The following GALNT10 variants were observed in gnomAD, a reference collection of about 807,000 sequenced individuals.
GALNT10 encodes the protein polypeptide N-acetylgalactosaminyltransferase 10.
In GALNT10, 41 loss-of-function variants were observed where a neutral mutation model predicts 75.0. The observed-to-expected ratio is 0.55, with a 90% CI of 0.43 to 0.71. GALNT10 has a LOEUF of 0.71. Among genes scored for constraint, GALNT10 ranks in the 30% least tolerant of loss-of-function variants. The pLI is 0.00. For synonymous variants in GALNT10, 302 were observed against 313.0 expected (o/e 0.96, Z 0.37); for missense variants, 727 against 818.5 (o/e 0.89, Z 1.36).
At position 154,416,475 on chromosome 5, in the gene GALNT10, G is replaced by GCA. The variant is rs1554102724; in HGVS notation, c.1654-336_1654-335dup. Among the ~76,000 whole-genome samples, 1 of 40,270 alleles carries GCA rather than the reference G, an allele frequency of 2.5e-5. No individual in the cohort carries two copies. Among genetic ancestry groups the GCA allele is most frequent in the East Asian group, 1.0e-3 (1 of 992 alleles). The allele number at this position is 40,270 out of a possible 152,430, so 26.4% of individuals were successfully genotyped here. A position where few individuals can be genotyped will look rare whatever the true frequency, so the allele number is the denominator to read the frequency against. ...TAAAAAAATAAAAGATAAAAGGAAA[G>GCA]CACATACACACACACACACACACAC... On this transcript the variant is annotated intron_variant, in intron 11 of 11. Transcript: ENST00000297107. This position sits in a 1 kb window ranked among gnomAD's most constrained non-coding sequence, Gnocchi z 4.5.
chr5:154,232,946 A>G (rs909898180), intron 1 of GALNT10, among the ~76,000 whole-genome samples: 2 of 152,204 alleles, frequency 1.3e-5, no homozygotes, highest in Non-Finnish European at 2.9e-5. Context: ...AGTAGTTAAC[A>G]GAGTATATAT....
intron 7 of GALNT10, among the ~76,000 whole-genome samples, chr5:154,398,067 G>A (rs1341253559): frequency 6.6e-6 from 1 of 152,230 alleles, no homozygotes; most frequent in African/African-American, 2.4e-5. Context: ...GAAAATGAAT[G>A]GGGAACAGGC....
At chr5:154,372,465 G>A (rs1755587431) in intron 4 of GALNT10, among the ~76,000 whole-genome samples, 2 of 152,172 alleles carry the variant, frequency 1.3e-5, no homozygotes, top group Admixed American at 1.3e-4. Flanking sequence ...CTGAGTTTGG[G>A]TTTTCTGAAG....
intron 4 of GALNT10, among the ~76,000 whole-genome samples, chr5:154,364,476 C>T (rs1316066383): frequency 6.6e-6 from 1 of 152,074 alleles, no homozygotes. Context: ...TGGGAGGTTT[C>T]AAAATATTTG....
At chr5:154,209,284 C>G (rs1376767192) in intron 1 of GALNT10, among the ~76,000 whole-genome samples, 1 of 152,232 alleles carries the variant, frequency 6.6e-6, no homozygotes, top group Non-Finnish European at 1.5e-5. Flanking sequence ...GCCTTTCCTT[C>G]TGCAGTGTCT....
At chr5:154,216,492 T>C (rs1581922290) in intron 1 of GALNT10, among the ~76,000 whole-genome samples, 1 of 152,364 alleles carries the variant, frequency 6.6e-6, no homozygotes, top group Admixed American at 6.5e-5. Context: ...TTGAGGCAGA[T>C]GTAAGCTGCA....
chr5:154,387,991 A>C (rs1582004888), intron 7 of GALNT10: 1 of 146,584 alleles, frequency 6.8e-6, no homozygotes, highest in Non-Finnish European at 1.5e-5. Flanking sequence ...TGCAGCCTCC[A>C]CCTCCTGGGT....
chr5:154,276,417 G>A (rs1012581623), intron 1 of GALNT10, among the ~76,000 whole-genome samples: 5 of 152,110 alleles, frequency 3.3e-5, no homozygotes, highest in Non-Finnish European at 4.4e-5. Context: ...CTTCAGTACC[G>A]CCAGATGGAG....
intron 1 of GALNT10, among the ~76,000 whole-genome samples, chr5:154,194,925 C>G (rs1252681924): frequency 3.9e-5 from 6 of 152,184 alleles, no homozygotes; most frequent in African/African-American, 1.4e-4. Context: ...TGCTTGGAAA[C>G]ACATCTGAAT....
rs536121175 is a variant in GALNT10, at chr5:154,221,866, C to T, written c.159+30841C>T. Among the ~76,000 whole-genome samples, 63 of 152,310 alleles carry T rather than the reference C, an allele frequency of 4.1e-4. 1 individual carries two copies. The South Asian group carries it at 0.011, about 28-fold the overall frequency. ...CGCGCTTACAGTAGCAGCTTTCAGA[C>T]CAACTTGAGGCCTTGCTTACTTTGC... On this transcript the variant is annotated intron_variant, in intron 1 of 11. Coordinates refer to ENST00000297107, the MANE Select transcript of GALNT10 (RefSeq NM_198321.4).
At chr5:154,248,094 A>G (rs1203014259) in intron 1 of GALNT10, among the ~76,000 whole-genome samples, 12 of 152,164 alleles carry the variant, frequency 7.9e-5, no homozygotes, top group South Asian at 6.2e-4. Flanking sequence ...CGTTGATTCT[A>G]TTTATATGCT....
At chr5:154,200,245 G>A (rs80336253) in intron 1 of GALNT10, among the ~76,000 whole-genome samples, 17,247 of 152,204 alleles carry the variant, frequency 0.11, 1,155 homozygotes, top group Non-Finnish European at 0.14. Context: ...AGTCCCATGT[G>A]CCGCCTGGAT....
chr5:154,321,912 A>T (rs1006030756), intron 3 of GALNT10, among the ~76,000 whole-genome samples: 12 of 152,070 alleles, frequency 7.9e-5, no homozygotes, highest in African/African-American at 2.9e-4. Flanking sequence ...ACCAGAAATG[A>T]GGGGTTTTGT....
intron 4 of GALNT10, among the ~76,000 whole-genome samples, chr5:154,372,565 G>GCCA (rs549297382): frequency 5.9e-5 from 9 of 152,192 alleles, no homozygotes; most frequent in Non-Finnish European, 1.3e-4. Context: ...AGAAAGAGGG[G>GCCA]CCACCAGGAA....
At chr5:154,312,870 T>C (rs1754541972) in intron 3 of GALNT10, among the ~76,000 whole-genome samples, 1 of 152,228 alleles carries the variant, frequency 6.6e-6, no homozygotes, top group Non-Finnish European at 1.5e-5. Context: ...ACCATATTCA[T>C]CCATTAGAGT....
intron 9 of GALNT10, among the ~76,000 whole-genome samples, chr5:154,410,094 T>A (rs552985670): frequency 6.6e-6 from 1 of 152,378 alleles, no homozygotes; most frequent in South Asian, 2.1e-4. Context: ...ATTTCCCACC[T>A]GCTGCATGCA....
At chr5:154,350,255 G>T (rs1045036122) in intron 4 of GALNT10, among the ~76,000 whole-genome samples, 10 of 152,168 alleles carry the variant, frequency 6.6e-5, no homozygotes, top group African/African-American at 1.4e-4. Context: ...GCCAGTGGTT[G>T]TTCTATAATG....
In GALNT10 at chr5:154,417,836, A is replaced by T. The variant is rs915957753; in HGVS notation, c.*864A>T. The T allele has an allele frequency of 6.6e-6, 1 of 152,160 alleles. No homozygotes were observed. The highest frequency in any genetic ancestry group is 1.5e-5 in the Non-Finnish European group (1 of 68,074). 9.4% of individuals were successfully genotyped at this position (152,160 alleles called of 1,614,324 possible). A position where few individuals can be genotyped will look rare whatever the true frequency, so the allele number is the denominator to read the frequency against. ...AATGCTGGCTGATTTGCCCTGATCC[A>T]TGCTTCCATTTCCCTGTCTCTCTTC... On this transcript the variant is annotated 3_prime_UTR_variant, in exon 12 of 12. Coordinates refer to ENST00000297107, the MANE Select transcript of GALNT10 (RefSeq NM_198321.4).
chr5:154,347,244 T>C, intron 4 of GALNT10: 1 of 473,336 alleles, frequency 2.1e-6, no homozygotes, highest in Non-Finnish European at 4.1e-6. Context: ...ATTAGGAAGG[T>C]GTAAACTGGA....
Sources: allele counts gnomAD v4.1 joint callset (sites outside exome capture counted in the v4.1 genomes callset), GRCh38; gene constraint gnomAD v4.1.1; non-coding constraint Gnocchi (gnomAD v3.1); transcripts MANE v1.5; gene names NCBI Gene and HGNC (gene_info 2026-07-23, HGNC 2026-07-21).